The following MDGA2 variants were observed in gnomAD, a reference collection of about 807,000 sequenced individuals.
MDGA2 encodes the protein MAM domain containing glycosylphosphatidylinositol anchor 2, also known as MAM domain-containing glycosylphosphatidylinositol anchor protein 2.
In MDGA2, 40 loss-of-function variants were observed where a neutral mutation model predicts 117.8. That is an observed-to-expected ratio of 0.34 (90% CI 0.26 to 0.44). MDGA2 has a LOEUF of 0.44. Ranked by LOEUF, MDGA2 falls within the 20% of genes least tolerant of loss-of-function variation. MDGA2 has a pLI of 1.00. For missense variants in MDGA2, 1,123 were observed against 1,250.6 expected (o/e 0.90, Z 1.54); for synonymous variants, 452 against 439.0 (o/e 1.03, Z -0.37).
In MDGA2 at chr14:47,201,500, T is replaced by C. The variant is rs376867430; in HGVS notation, c.595+16521A>G. On this transcript the variant is annotated intron_variant, in intron 3 of 16. Coordinates refer to ENST00000399232, the MANE Select transcript of MDGA2 (RefSeq NM_001113498.3). ...CTACTCATCAACCTGACTGAAACCT[T>C]AGTGCTGTTTCACAAGCCTCTCTCC... Among the ~76,000 whole-genome samples the C allele has an allele frequency of 5.3e-5, 8 of 152,314 alleles. No individual in the cohort carries two copies. In the East Asian group the frequency reaches 1.4e-3, roughly 26 times the overall value.
intron 1 of MDGA2, among the ~76,000 whole-genome samples, chr14:47,557,853 T>C (rs896486894): frequency 6.6e-6 from 1 of 152,202 alleles, no homozygotes; most frequent in Non-Finnish European, 1.5e-5. Flanking sequence ...CCTCCCTTTA[T>C]TAATTTGTAC....
intron 2 of MDGA2, among the ~76,000 whole-genome samples, chr14:47,285,853 T>G (rs1358887341): frequency 6.6e-6 from 1 of 152,076 alleles, no homozygotes; most frequent in Non-Finnish European, 1.5e-5. Context: ...AAAAGCAGCA[T>G]AATTAATTAA....
intron 1 of MDGA2, among the ~76,000 whole-genome samples, chr14:47,542,657 C>T (rs1895376184): frequency 6.6e-6 from 1 of 152,032 alleles, no homozygotes; most frequent in Non-Finnish European, 1.5e-5. Context: ...AGGTTGAAGA[C>T]ATAATAATAT....
intron 6 of MDGA2, among the ~76,000 whole-genome samples, chr14:47,085,211 TAATAA>T (rs1167972644): frequency 1.3e-5 from 2 of 151,712 alleles, no homozygotes; most frequent in African/African-American, 4.8e-5. Context: ...AAACAGAAAA[TAATAA>T]AATCAGTAAT....
At chr14:47,541,923 T>C (rs942398288) in intron 1 of MDGA2, among the ~76,000 whole-genome samples, 11 of 152,178 alleles carry the variant, frequency 7.2e-5, no homozygotes, top group African/African-American at 2.7e-4. Context: ...CTTCGGAAAG[T>C]AAAATACTGG....
chr14:47,242,533 T>C (rs8019888), intron 2 of MDGA2, among the ~76,000 whole-genome samples: 125,202 of 151,682 alleles, frequency 0.83, 52,340 homozygotes, highest in East Asian at 0.93. Flanking sequence ...GCCCCGCACT[T>C]GGAGCAGCCA....
chr14:46,937,138 T>C (rs184224485), intron 9 of MDGA2, among the ~76,000 whole-genome samples: 3 of 152,136 alleles, frequency 2.0e-5, no homozygotes, highest in African/African-American at 7.2e-5. Context: ...AGCATTTACA[T>C]ATGCCTGGAG....
At chr14:47,471,248 T>C (rs1219783290) in intron 1 of MDGA2, among the ~76,000 whole-genome samples, 1 of 52,108 alleles carries the variant, frequency 1.9e-5, no homozygotes, top group Non-Finnish European at 3.3e-5. Flanking sequence ...ATGGTATTAA[T>C]GGAGTTTTTT....
At chr14:47,427,736 C>G (rs1892720006) in intron 1 of MDGA2, among the ~76,000 whole-genome samples, 1 of 152,046 alleles carries the variant, frequency 6.6e-6, no homozygotes, top group African/African-American at 2.4e-5. Context: ...GAATTTGTTT[C>G]AATTATCTAG....
chr14:46,863,407 G>C (rs1881592742), intron 14 of MDGA2, among the ~76,000 whole-genome samples: 1 of 152,032 alleles, frequency 6.6e-6, no homozygotes, highest in Non-Finnish European at 1.5e-5. Flanking sequence ...ATTCTCTATA[G>C]AATTCTAAAC....
At chr14:47,384,414 T>C (rs1192252061) in intron 1 of MDGA2, among the ~76,000 whole-genome samples, 2 of 151,846 alleles carry the variant, frequency 1.3e-5, no homozygotes, top group African/African-American at 4.8e-5. Flanking sequence ...CAGATTCTAT[T>C]TTATTTTTCC....
chr14:46,845,326 T>A (rs1880791291), intron 16 of MDGA2, among the ~76,000 whole-genome samples: 2 of 152,192 alleles, frequency 1.3e-5, no homozygotes, highest in South Asian at 2.1e-4. Flanking sequence ...GAACTGTGAG[T>A]CAATTAAATC....
chr14:47,345,915 A>G (rs1480415968), intron 1 of MDGA2, among the ~76,000 whole-genome samples: 2 of 152,096 alleles, frequency 1.3e-5, no homozygotes, highest in South Asian at 2.1e-4. Flanking sequence ...AGTAGAACAG[A>G]GGACACTAAA....
At chr14:47,312,316 G>A (rs1889661350) in intron 1 of MDGA2, among the ~76,000 whole-genome samples, 1 of 152,026 alleles carries the variant, frequency 6.6e-6, no homozygotes, top group African/African-American at 2.4e-5. Context: ...CAGATTACCT[G>A]TAACCTCAGG....
intron 2 of MDGA2, among the ~76,000 whole-genome samples, chr14:47,274,522 C>A (rs760589657): frequency 5.9e-5 from 9 of 152,054 alleles, no homozygotes; most frequent in Non-Finnish European, 1.2e-4. Flanking sequence ...GTACTATGAG[C>A]ACTGTTGTAT....
At chr14:47,223,430 C>T (rs1594736051) in intron 2 of MDGA2, among the ~76,000 whole-genome samples, 1 of 152,252 alleles carries the variant, frequency 6.6e-6, no homozygotes, top group South Asian at 2.1e-4. Context: ...GTATCGTAAA[C>T]TACTGCTTAA....
chr14:47,322,599 T>G (rs1890012905), intron 1 of MDGA2, among the ~76,000 whole-genome samples: 1 of 152,112 alleles, frequency 6.6e-6, no homozygotes, highest in Non-Finnish European at 1.5e-5. Context: ...ACTTTTAATA[T>G]GACACGACCC....
At chr14:47,059,578 G>C (rs980254985) in intron 7 of MDGA2, among the ~76,000 whole-genome samples, 7 of 151,972 alleles carry the variant, frequency 4.6e-5, no homozygotes, top group Non-Finnish European at 8.8e-5. Flanking sequence ...ATAAATGTTA[G>C]GGCTCGTTTT....
At chr14:47,080,168 T>G (rs1415257212) in intron 6 of MDGA2, among the ~76,000 whole-genome samples, 1 of 152,150 alleles carries the variant, frequency 6.6e-6, no homozygotes, top group Admixed American at 6.5e-5. Flanking sequence ...CAGGCATTAG[T>G]GGGATATAGT....
Sources: gnomAD v4.1 joint callset for allele counts (sites outside exome capture counted in the v4.1 genomes callset) on GRCh38, gnomAD v4.1.1 for gene constraint, MANE v1.5 for transcripts, NCBI Gene and HGNC (gene_info 2026-07-23, HGNC 2026-07-21) for gene names.